HECW1: variants seen among roughly 807,000 people sequenced by gnomAD.
HECW1 encodes E3 ubiquitin-protein ligase HECW1.
In HECW1, 61 loss-of-function variants were observed where a neutral mutation model predicts 182.3. The ratio of observed to expected loss-of-function variants is 0.33; its 90% confidence interval spans 0.27 to 0.41. HECW1 has a LOEUF of 0.41. Among genes scored for constraint, HECW1 ranks in the 10% least tolerant of loss-of-function variants. The pLI, the probability that HECW1 is intolerant of heterozygous loss-of-function variation, is 1.00. For synonymous variants in HECW1, 859 were observed against 832.6 expected (o/e 1.03, Z -0.55); for missense variants, 1,739 against 2,108.9 (o/e 0.82, Z 3.44).
At chr7:43,279,191 C>T (rs1434790975) in intron 3 of HECW1, among the ~76,000 whole-genome samples, 1 of 152,154 alleles carries the variant, frequency 6.6e-6, no homozygotes, top group East Asian at 1.9e-4. Flanking sequence ...CCCCTTCCAG[C>T]TGTGGGGACT....
chr7:43,132,531 T>C (rs760901836), intron 2 of HECW1, among the ~76,000 whole-genome samples: 1 of 151,932 alleles, frequency 6.6e-6, no homozygotes, highest in Non-Finnish European at 1.5e-5. Flanking sequence ...CTTCTCTCTC[T>C]CTCTTTCTCT....
chr7:43,364,564 GA>G (rs1816383783), intron 6 of HECW1, among the ~76,000 whole-genome samples: 1 of 152,256 alleles, frequency 6.6e-6, no homozygotes, highest in South Asian at 2.1e-4. Flanking sequence ...GGCTGCGGAG[GA>G]GGGGGCGTGG....
intron 4 of HECW1, among the ~76,000 whole-genome samples, chr7:43,313,106 C>T (rs981147661): frequency 6.6e-6 from 1 of 152,140 alleles, no homozygotes; most frequent in Non-Finnish European, 1.5e-5. Context: ...GGGAAATATT[C>T]TTGGGTCTCT....
intron 13 of HECW1, among the ~76,000 whole-genome samples, chr7:43,458,266 A>G (rs2077469471): frequency 6.6e-6 from 1 of 152,246 alleles, no homozygotes; most frequent in Non-Finnish European, 1.5e-5. Context: ...GGGTATCGTC[A>G]GGCTGTATTC....
At chr7:43,164,663 GGCC>G (rs1258639003) in intron 2 of HECW1, among the ~76,000 whole-genome samples, 1 of 152,204 alleles carries the variant, frequency 6.6e-6, no homozygotes, top group Non-Finnish European at 1.5e-5. Flanking sequence ...TGTGTTTCAG[GGCC>G]ACTGGACTGG....
At chr7:43,555,709 T>C (rs2081994108) in intron 29 of HECW1, among the ~76,000 whole-genome samples, 1 of 152,198 alleles carries the variant, frequency 6.6e-6, no homozygotes, top group Non-Finnish European at 1.5e-5. Context: ...TCGGTCAGCA[T>C]TCATGGGCAT....
intron 13 of HECW1, among the ~76,000 whole-genome samples, chr7:43,458,413 T>C (rs978283337): frequency 6.6e-6 from 1 of 152,152 alleles, no homozygotes; most frequent in East Asian, 1.9e-4. Flanking sequence ...TTAGGCCAAA[T>C]CCATCCTGAA....
intron 2 of HECW1, among the ~76,000 whole-genome samples, chr7:43,218,232 T>C (rs761480078): frequency 2.6e-5 from 4 of 152,204 alleles, no homozygotes; most frequent in Admixed American, 6.5e-5. Context: ...ACGGATTGAA[T>C]TGTTATTCCT....
intron 2 of HECW1, among the ~76,000 whole-genome samples, chr7:43,173,196 C>T (rs943738044): frequency 6.6e-6 from 1 of 152,176 alleles, no homozygotes; most frequent in African/African-American, 2.4e-5. Flanking sequence ...ATTCTAGTCA[C>T]ATCTGAGTCA....
At position 43,542,781 on chromosome 7, in the gene HECW1, A is replaced by G. The variant is rs139883170; in HGVS notation, c.4248+783A>G. Among the ~76,000 whole-genome samples the G allele has an allele frequency of 5.3e-4, 81 of 152,354 alleles. No homozygotes were observed. In the East Asian group the frequency reaches 0.015, roughly 28 times the overall value. On this transcript the variant is annotated intron_variant, in intron 26 of 29. Transcript: ENST00000395891. Reference sequence around the variant, plus strand: ...AATTAGCGAATAAGGGATCTCATTCATTCAAACCAATTCCTTGGGAACTAC... The same window carrying G: ...AATTAGCGAATAAGGGATCTCATTCGTTCAAACCAATTCCTTGGGAACTAC...
chr7:43,124,243 G>A (rs1427123863), intron 2 of HECW1, among the ~76,000 whole-genome samples: 4 of 152,220 alleles, frequency 2.6e-5, no homozygotes, highest in African/African-American at 9.6e-5. Flanking sequence ...AGGCAAAAGA[G>A]AGTGAACGGC....
intron 9 of HECW1, among the ~76,000 whole-genome samples, chr7:43,441,705 G>A (rs1400004112): frequency 2.0e-5 from 3 of 152,188 alleles, no homozygotes; most frequent in Admixed American, 6.5e-5. Context: ...TAATACGTAA[G>A]CTAACAAGCA....
intron 8 of HECW1, among the ~76,000 whole-genome samples, chr7:43,417,687 C>G (rs1410261103): frequency 6.6e-6 from 1 of 152,000 alleles, no homozygotes; most frequent in African/African-American, 2.4e-5. Context: ...CATAGCAAGA[C>G]CCCATCTCAA....
At chr7:43,412,228 T>C (rs1392207220) in intron 8 of HECW1, among the ~76,000 whole-genome samples, 1 of 152,112 alleles carries the variant, frequency 6.6e-6, no homozygotes, top group African/African-American at 2.4e-5. Context: ...TTCAACAATA[T>C]TACCTGCATT....
At chr7:43,523,261 T>C in intron 24 of HECW1, 1 of 221,586 alleles carries the variant, frequency 4.5e-6, no homozygotes, top group Non-Finnish European at 9.4e-6. Context: ...TGCCTCGGCC[T>C]CCCAAAGTGC....
intron 5 of HECW1, among the ~76,000 whole-genome samples, chr7:43,321,073 C>T (rs1327064566): frequency 2.6e-5 from 4 of 152,130 alleles, no homozygotes; most frequent in Admixed American, 2.0e-4. Context: ...TCCAATGTGG[C>T]CATAGTTAGA....
chr7:43,485,706 A>T (rs1023280075), intron 17 of HECW1, among the ~76,000 whole-genome samples: 19 of 152,026 alleles, frequency 1.2e-4, no homozygotes, highest in Admixed American at 1.2e-3. Context: ...TAAAAGATTT[A>T]AAAAATAGTA....
Position 43,444,698 on chromosome 7 carries a change from A to T in HECW1, c.1526A>T (p.Glu509Val), listed in dbSNP as rs2076989401. The T allele has an allele frequency of 6.2e-7, 1 of 1,608,788 alleles. No homozygotes were observed. Among genetic ancestry groups the T allele is most frequent in the Non-Finnish European group, 8.5e-7 (1 of 1,177,488 alleles). Residue 509 changes from glutamate to valine, a missense_variant, in exon 11 of 30, where the codon GAG (glutamate) becomes GTG (valine). Physicochemically the swap from Glu to Val is moderately radical, Grantham distance 121. Transcript: ENST00000395891. The surrounding 1 kb of genome is among the most constrained non-coding windows in gnomAD (Gnocchi z 4.3). ...REEEEKEQEEEGDVSTLEQGE... is the reference protein window; with the variant it reads ...REEEEKEQEEVGDVSTLEQGE... ...GAAGAGGAGAAGGAGCAGGAGGAGG[A>T]GGGAGATGTGTCTACCCTGGAGCAG...
chr7:43,494,936 C>T (rs1471585316), intron 19 of HECW1, among the ~76,000 whole-genome samples: 1 of 152,168 alleles, frequency 6.6e-6, no homozygotes, highest in Non-Finnish European at 1.5e-5. Context: ...GCTGCGTACT[C>T]TCCTGCCTTT....
Sources: allele counts gnomAD v4.1 joint callset (sites outside exome capture counted in the v4.1 genomes callset), GRCh38; gene constraint gnomAD v4.1.1; non-coding constraint Gnocchi (gnomAD v3.1); transcripts MANE v1.5; gene names NCBI Gene and HGNC (gene_info 2026-07-23, HGNC 2026-07-21).